E2F7: variants seen among roughly 807,000 people sequenced by gnomAD.
E2F7 encodes transcription factor E2F7.
A neutral mutation model predicts 81.1 loss-of-function variants in E2F7; 35 were observed. The ratio of observed to expected loss-of-function variants is 0.43; its 90% CI spans 0.33 to 0.57. E2F7 has a LOEUF of 0.57. E2F7 is among the 20% of genes least tolerant of loss of function. The probability of loss-of-function intolerance (pLI) is 0.04; values close to 1 mark genes in which losing one functional copy is unlikely to be tolerated. For missense variants in E2F7, 961 were observed against 1,093.7 expected, an observed-to-expected ratio of 0.88 and a Z score of 1.71; for synonymous variants, 416 against 416.2, an observed-to-expected ratio of 1.00 and a Z score of 0.01.
rs150520095 is a variant in E2F7, at chr12:77,043,217, C to T, written c.989-18G>A. 7 of 1,613,788 alleles carry T rather than the reference C, an allele frequency of 4.3e-6. No homozygotes were observed. The highest frequency in any genetic ancestry group is 3.3e-5 in the Admixed American group (2 of 59,988). On this transcript the variant is annotated intron_variant, in intron 6 of 12. Transcript: ENST00000322886. ...TACCTTTGCTTGAAGATATAAAACA[C>T]GATTACGGTCATGCTGCCTGTGACA...
chr12:77,035,091 A>C (rs1954837794), intron 7 of E2F7, among the ~76,000 whole-genome samples: 1 of 152,200 alleles, frequency 6.6e-6, no homozygotes, highest in Non-Finnish European at 1.5e-5. Flanking sequence ...TCTCTGTGAG[A>C]CAGGAATCAA....
intron 3 of E2F7, among the ~76,000 whole-genome samples, chr12:77,055,002 G>A (rs1955020745): frequency 6.6e-6 from 1 of 151,920 alleles, no homozygotes; most frequent in African/African-American, 2.4e-5. Context: ...AACATAAGAC[G>A]GAAAGGAAGC....
In E2F7 at chr12:77,061,525, G is replaced by T. The variant is rs74785607; in HGVS notation, c.93+3018C>A. Among the ~76,000 whole-genome samples, 697 of 152,254 alleles carry T rather than the reference G, an allele frequency of 4.6e-3. 6 individuals are homozygous for T. Among genetic ancestry groups the T allele is most frequent in the African/African-American group, 0.016 (675 of 41,544 alleles). On this transcript the variant is annotated intron_variant, in intron 2 of 12. Transcript: ENST00000322886. ...TCTCCTAGCCTCTTTGGCCCAGACT[G>T]TTTTCCACTTTTGTTGTGTCAAGTG...
chr12:77,053,409 C>A (rs1489113202), intron 3 of E2F7, among the ~76,000 whole-genome samples: 1 of 152,178 alleles, frequency 6.6e-6, no homozygotes, highest in Non-Finnish European at 1.5e-5. Context: ...CAGTCTGTTG[C>A]AATATCCACA....
At chr12:77,027,859 C>G (rs903975412) in intron 11 of E2F7, 24 bp downstream of exon 11, 3 of 1,612,222 alleles carry the variant, frequency 1.9e-6, no homozygotes, top group Admixed American at 1.7e-5. Flanking sequence ...GCAAGGGACT[C>G]TAAGACATGA....
chr12:77,044,869 A>C (rs1954925824), intron 5 of E2F7, 74 bp from the exon 6 acceptor site: 3 of 1,534,418 alleles, frequency 2.0e-6, no homozygotes, highest in South Asian at 1.3e-5. Context: ...CAGCTTGCCA[A>C]AATGATCTAG....
intron 8 of E2F7, 45 bp downstream of exon 8, chr12:77,033,812 T>C: frequency 6.6e-7 from 1 of 1,507,398 alleles, no homozygotes; most frequent in Non-Finnish European, 8.9e-7. Flanking sequence ...GGGCTACAGC[T>C]ACATGGCAAC....
chr12:77,061,102 G>A (rs1294595435), intron 2 of E2F7, among the ~76,000 whole-genome samples: 1 of 151,970 alleles, frequency 6.6e-6, no homozygotes, highest in African/African-American at 2.4e-5. Context: ...CAAACCGCAA[G>A]AGTGCACACA....
intron 5 of E2F7, 36 bp downstream of exon 5, chr12:77,046,002 T>C (rs1466543977): frequency 1.3e-6 from 2 of 1,592,652 alleles, no homozygotes; most frequent in African/African-American, 2.7e-5. Context: ...ACTTGCTCTT[T>C]CTCTGCCATT....
Position 77,044,596 on chromosome 12 carries a change from C to G in E2F7, c.988+41G>C, listed in dbSNP as rs192814796. The G allele has an allele frequency of 6.3e-6, 10 of 1,597,286 alleles. No individual in the cohort carries two copies. The East Asian group carries it at 2.0e-4, about 32-fold the overall frequency. On this transcript the variant is annotated intron_variant, in intron 6 of 12. Transcript: ENST00000322886. ...AAAATATCAACACATGAAATCCCACCCTTTATGTGCTAGTAAGTTGATGGA... is the reference window on the plus strand; with the variant it reads ...AAAATATCAACACATGAAATCCCACGCTTTATGTGCTAGTAAGTTGATGGA...
At chr12:77,052,661 C>A (rs532363665) in intron 3 of E2F7, among the ~76,000 whole-genome samples, 2 of 152,102 alleles carry the variant, frequency 1.3e-5, no homozygotes, top group African/African-American at 4.8e-5. Context: ...AAAAACATTA[C>A]CCTTAAAAGG....
chr12:77,049,396 G>T (rs185118148), intron 4 of E2F7, among the ~76,000 whole-genome samples: 105 of 152,246 alleles, frequency 6.9e-4, no homozygotes, highest in Non-Finnish European at 9.7e-4. Context: ...CAACATTCTA[G>T]TAAGAGCTGA....
intron 7 of E2F7, among the ~76,000 whole-genome samples, chr12:77,041,231 GC>G (rs1286327971): frequency 3.3e-5 from 5 of 152,040 alleles, no homozygotes; most frequent in Admixed American, 1.3e-4. Context: ...CACTCTTGTT[GC>G]CCAGGCTGGA....
intron 7 of E2F7, among the ~76,000 whole-genome samples, chr12:77,037,634 A>C (rs1439017050): frequency 1.3e-5 from 2 of 152,346 alleles, no homozygotes; most frequent in South Asian, 2.1e-4. Context: ...ACCCTAAAGG[A>C]ACCATTAACA....
intron 8 of E2F7, 105 bp downstream of exon 8, chr12:77,033,752 T>C (rs1219367029): frequency 7.5e-6 from 9 of 1,197,868 alleles, no homozygotes; most frequent in Non-Finnish European, 2.3e-6. Flanking sequence ...CAGCCAGGGC[T>C]GAGAGTCAGT....
intron 7 of E2F7, among the ~76,000 whole-genome samples, chr12:77,036,743 C>CT (rs1285704256): frequency 5.5e-4 from 80 of 146,390 alleles, no homozygotes; most frequent in Non-Finnish European, 8.0e-4. Flanking sequence ...TAGAATTCTC[C>CT]ATTTTTTTTT....
chr12:77,025,142 C>G (rs7136866), intron 12 of E2F7, among the ~76,000 whole-genome samples: 1 of 151,972 alleles, frequency 6.6e-6, no homozygotes, highest in Non-Finnish European at 1.5e-5. Flanking sequence ...GGCTAAGAAT[C>G]TCTGAGTTAC....
rs538049450 is a variant in E2F7, at chr12:77,037,389, G to A, written c.1124-3347C>T. On this transcript the variant is annotated intron_variant, in intron 7 of 12. Coordinates refer to ENST00000322886, the MANE Select transcript of E2F7 (RefSeq NM_203394.3). ...GTGGATCACTTGAGCTCAGGAATTC[G>A]AGACCAGCCTGGGCAACATAGTGAA... is the stretch of plus-strand genomic sequence containing the variant. Among the ~76,000 whole-genome samples the A allele has an allele frequency of 6.6e-5, 10 of 152,142 alleles. No individual in the cohort carries two copies. In the East Asian group the frequency reaches 1.7e-3, roughly 26 times the overall value.
intron 9 of E2F7, among the ~76,000 whole-genome samples, chr12:77,031,917 C>G (rs1954811043): frequency 6.6e-6 from 1 of 152,162 alleles, no homozygotes; most frequent in Non-Finnish European, 1.5e-5. Context: ...CTGGGTATAT[C>G]ACCCACCATC....
Sources: allele counts gnomAD v4.1 joint callset (sites outside exome capture counted in the v4.1 genomes callset), GRCh38; gene constraint gnomAD v4.1.1; transcripts MANE v1.5; gene names NCBI Gene and HGNC (gene_info 2026-07-23, HGNC 2026-07-21).